The following RLF variants were observed in gnomAD, a reference collection of about 807,000 sequenced individuals.
RLF encodes RLF zinc finger, also known as zinc finger protein Rlf.
In RLF, 7 loss-of-function variants were observed where a neutral mutation model predicts 162.9. The ratio of observed to expected loss-of-function variants is 0.04; its 90% confidence interval spans 0.02 to 0.08. The LOEUF (loss-of-function observed/expected upper bound fraction) is 0.08. RLF is among the 10% of genes least tolerant of loss of function. RLF has a pLI of 1.00. For synonymous variants in RLF, 782 were observed against 791.5 expected, an observed-to-expected ratio of 0.99 and a Z score of 0.20; for missense variants, 1,664 against 2,244.7, an observed-to-expected ratio of 0.74 and a Z score of 5.23.
chr1:40,180,061 C>G (rs1438290924), intron 1 of RLF, among the ~76,000 whole-genome samples: 1 of 152,130 alleles, frequency 6.6e-6, no homozygotes, highest in Admixed American at 6.5e-5. Context: ...TGTACAAATA[C>G]CTCTTCAAGA....
intron 1 of RLF, among the ~76,000 whole-genome samples, chr1:40,176,723 G>A (rs1367011073): frequency 6.6e-6 from 1 of 152,196 alleles, no homozygotes; most frequent in Non-Finnish European, 1.5e-5. Context: ...GGTTACAGGC[G>A]TGAGCCAGTG....
At chr1:40,213,008 A>G (rs1642883007) in intron 5 of RLF, among the ~76,000 whole-genome samples, 1 of 152,220 alleles carries the variant, frequency 6.6e-6, no homozygotes, top group African/African-American at 2.4e-5. Flanking sequence ...CTTTTATGCT[A>G]ATTGGCTGCC....
rs775966346 is a variant in RLF, at chr1:40,236,284, T to A, written c.1582T>A (p.Leu528Met). 4.3e-6 allele frequency: 7 copies of A among 1,613,886 alleles called. No individual in the cohort carries two copies. Among genetic ancestry groups the A allele is most frequent in the Non-Finnish European group, 5.9e-6 (7 of 1,179,982 alleles). ...AGATAAACAATATAGAAGAAGAGAT[T>A]TGACAGATCAGCATAAGGAGAAAAG... ...KEDKQYRRRD[L>M]TDQHKEKRDK... Residue 528 changes from leucine to methionine, a missense_variant, in exon 8 of 8, where the codon TTG becomes ATG. Physicochemically the swap from Leu to Met is conservative, Grantham distance 15 (BLOSUM62 2). Coordinates refer to ENST00000372771, the MANE Select transcript of RLF (RefSeq NM_012421.4). The surrounding 1 kb of genome is among the most constrained non-coding windows in gnomAD (Gnocchi z 7.7).
intron 4 of RLF, among the ~76,000 whole-genome samples, chr1:40,196,220 G>A (rs986046002): frequency 4.6e-5 from 7 of 151,818 alleles, no homozygotes; most frequent in South Asian, 2.1e-4. Flanking sequence ...TTACAGGCGC[G>A]CGCCACCACG....
intron 1 of RLF, among the ~76,000 whole-genome samples, chr1:40,185,585 G>A (rs1284891764): frequency 3.0e-5 from 4 of 133,764 alleles, no homozygotes; most frequent in South Asian, 5.1e-4. Flanking sequence ...GGCCGAGGCG[G>A]GCAGGTCACG....
chr1:40,220,316 A>G (rs1214703417), intron 5 of RLF, among the ~76,000 whole-genome samples: 2 of 152,226 alleles, frequency 1.3e-5, no homozygotes, highest in Non-Finnish European at 2.9e-5. Flanking sequence ...ACCCACAACT[A>G]TACTGAAATA....
Position 40,161,935 on chromosome 1 carries a change from G to C in RLF, c.237+299G>C, listed in dbSNP as rs1642092823. Reference sequence around the variant, plus strand: ...TTGCCTGTGTCCTGGCCGGGTGGTTGGAGCGCCACTGCCCCCTGAGGGATT... The same window carrying C: ...TTGCCTGTGTCCTGGCCGGGTGGTTCGAGCGCCACTGCCCCCTGAGGGATT... On this transcript the variant is annotated intron_variant, in intron 1 of 7. Coordinates refer to ENST00000372771, the MANE Select transcript of RLF (RefSeq NM_012421.4). This position sits in a 1 kb window ranked among gnomAD's most constrained non-coding sequence, Gnocchi z 4.4. 1.3e-5 allele frequency among the ~76,000 whole-genome samples: 2 copies of C among 152,178 alleles called. No homozygotes were observed. Among genetic ancestry groups the C allele is most frequent in the Admixed American group, 6.5e-5 (1 of 15,282 alleles).
chr1:40,206,264 C>T (rs1029373554), intron 5 of RLF, among the ~76,000 whole-genome samples: 2 of 152,162 alleles, frequency 1.3e-5, no homozygotes, highest in African/African-American at 4.8e-5. Context: ...CACAATAGCT[C>T]TGAGGTAGCT....
At chr1:40,228,416 T>C (rs1643106898) in intron 6 of RLF, among the ~76,000 whole-genome samples, 1 of 151,172 alleles carries the variant, frequency 6.6e-6, no homozygotes, top group Admixed American at 6.6e-5. Flanking sequence ...AAACCCCGTC[T>C]CTAAAAATAC....
At chr1:40,218,162 G>T (rs969394052) in intron 5 of RLF, among the ~76,000 whole-genome samples, 13 of 152,196 alleles carry the variant, frequency 8.5e-5, no homozygotes, top group Non-Finnish European at 1.5e-5. Context: ...AACCCCATGA[G>T]TAAGTTTCAG....
chr1:40,197,492 A>G (rs1642653525), intron 4 of RLF, among the ~76,000 whole-genome samples: 1 of 152,218 alleles, frequency 6.6e-6, no homozygotes, highest in African/African-American at 2.4e-5. Flanking sequence ...CCAAGAGGAA[A>G]AAAGGGTGGG....
Position 40,240,199 on chromosome 1 carries a change from G to A in RLF, c.5497G>A (p.Asp1833Asn). 1 of 1,614,090 alleles carries A rather than the reference G, an allele frequency of 6.2e-7. No individual in the cohort carries two copies. Among genetic ancestry groups the A allele is most frequent in the Non-Finnish European group, 8.5e-7 (1 of 1,180,010 alleles). ...PEVDIPHSSSDSTIHENLTAI... is the reference protein window; with the variant it reads ...PEVDIPHSSSNSTIHENLTAI... ...AGTTGACATACCTCATTCTTCCAGT[G>A]ACTCTACAATTCATGAGAACCTGAC... is the stretch of plus-strand genomic sequence containing the variant. The change falls in exon 8 of 8, where the codon GAC (aspartate) becomes AAC (asparagine). Residue 1833 changes from aspartate (D) to asparagine (N), a missense_variant. Physicochemically the swap from Asp to Asn is conservative, Grantham distance 23. Transcript: ENST00000372771.
At chr1:40,235,739 T>A in intron 7 of RLF, 53 bp from the exon 8 acceptor site, 2 of 1,322,312 alleles carry the variant, frequency 1.5e-6, no homozygotes, top group Non-Finnish European at 2.0e-6. Flanking sequence ...GTGAAAGTTA[T>A]ATAATCTTTC....
At chr1:40,178,452 A>G (rs1385348922) in intron 1 of RLF, among the ~76,000 whole-genome samples, 1 of 152,148 alleles carries the variant, frequency 6.6e-6, no homozygotes, top group Non-Finnish European at 1.5e-5. Flanking sequence ...GCTTTGTAAG[A>G]TGACAGGAGT....
intron 1 of RLF, among the ~76,000 whole-genome samples, chr1:40,163,299 A>T (rs1016273886): frequency 6.6e-6 from 1 of 152,076 alleles, no homozygotes; most frequent in Non-Finnish European, 1.5e-5. Context: ...CCAGAATGCT[A>T]TGGGAGGAGG....
At chr1:40,162,788 T>A (rs960540399) in intron 1 of RLF, among the ~76,000 whole-genome samples, 1 of 152,248 alleles carries the variant, frequency 6.6e-6, no homozygotes, top group Non-Finnish European at 1.5e-5. Flanking sequence ...AATTTTTGTG[T>A]GTACAACCTG....
At chr1:40,165,506 A>G (rs1642152244) in intron 1 of RLF, among the ~76,000 whole-genome samples, 1 of 152,164 alleles carries the variant, frequency 6.6e-6, no homozygotes, top group South Asian at 2.1e-4. Context: ...AGGGCCCAGT[A>G]TAAATGTCAT....
chr1:40,166,506 A>G (rs969757913), intron 1 of RLF, among the ~76,000 whole-genome samples: 17 of 152,220 alleles, frequency 1.1e-4, no homozygotes, highest in African/African-American at 3.9e-4. Flanking sequence ...ATTACTGGGT[A>G]TATACCCAAA....
chr1:40,204,642 G>A (rs1008641062), intron 5 of RLF, among the ~76,000 whole-genome samples: 5 of 150,664 alleles, frequency 3.3e-5, no homozygotes, highest in African/African-American at 4.9e-5. Flanking sequence ...GGCTGGTCTC[G>A]AACTCCCAGG....
Sources: gnomAD v4.1 joint callset for allele counts (sites outside exome capture counted in the v4.1 genomes callset) on GRCh38, gnomAD v4.1.1 for gene constraint, Gnocchi (gnomAD v3.1) non-coding constraint, MANE v1.5 for transcripts, NCBI Gene and HGNC (gene_info 2026-07-23, HGNC 2026-07-21) for gene names.